The following TMEM132E variants were observed in gnomAD, a reference collection of about 807,000 sequenced individuals.
TMEM132E encodes the protein transmembrane protein 132E.
In TMEM132E, 49 loss-of-function variants were observed where a neutral mutation model predicts 78.5. The observed-to-expected ratio is 0.62, with a 90% confidence interval of 0.50 to 0.79. TMEM132E has a LOEUF of 0.79. Among genes scored for constraint, TMEM132E ranks in the 30% least tolerant of loss-of-function variants. The pLI, the probability that TMEM132E is intolerant of heterozygous loss-of-function variation, is 0.00. For synonymous variants in TMEM132E, 715 were observed against 670.6 expected (o/e 1.07, Z -1.02); for missense variants, 1,403 against 1,470.9 (o/e 0.95, Z 0.75).
intron 1 of TMEM132E, among the ~76,000 whole-genome samples, chr17:34,611,034 A>G (rs958214990): frequency 1.3e-5 from 2 of 152,182 alleles, no homozygotes; most frequent in Admixed American, 6.5e-5. Context: ...TTGATTCACA[A>G]CCTGTTTTTC....
intron 1 of TMEM132E, among the ~76,000 whole-genome samples, chr17:34,611,843 G>T (rs975053509): frequency 6.6e-6 from 1 of 152,104 alleles, no homozygotes; most frequent in South Asian, 2.1e-4. Context: ...GAAGAAACTG[G>T]CCCAGTCCCC....
chr17:34,608,504 C>T (rs986884712), intron 1 of TMEM132E, among the ~76,000 whole-genome samples: 4 of 152,196 alleles, frequency 2.6e-5, no homozygotes, highest in African/African-American at 9.7e-5. Context: ...GGTGCTGTGG[C>T]CGTTATTATT....
intron 1 of TMEM132E, chr17:34,614,767 C>A (rs1906721005): frequency 6.6e-6 from 1 of 152,414 alleles, no homozygotes. Context: ...CCCAGGGACA[C>A]CAGCCTGAGT....
rs74575995 is a variant in TMEM132E at position 34,600,607 on chromosome 17, G to A, written c.67+19464G>A. Among the ~76,000 whole-genome samples the A allele has an allele frequency of 9.0e-3, 1,370 of 152,254 alleles. 23 individuals are homozygous for A. Among genetic ancestry groups the A allele is most frequent in the African/African-American group, 0.031 (1,296 of 41,534 alleles). ...GGAGATGGCAAAGTAGAACAAGGTC[G>A]GGGTAGGAGGGCCTGAGTGACTGCT... On this transcript the variant is annotated intron_variant, in intron 1 of 8. Coordinates refer to ENST00000631683, the MANE Select transcript of TMEM132E (RefSeq NM_001304438.2).
chr17:34,607,676 G>A (rs1364892710), intron 1 of TMEM132E, among the ~76,000 whole-genome samples: 1 of 152,184 alleles, frequency 6.6e-6, no homozygotes, highest in African/African-American at 2.4e-5. Context: ...TGTCTGACTC[G>A]GCTACGACGG....
Position 34,581,332 on chromosome 17 carries a change from C to G in TMEM132E, c.67+189C>G, listed in dbSNP as rs905277547. ...CTCCGGCGAGCTCAGCTGAGGGGAC[C>G]GAGCCCGGCGCCAGAAAAGGGTGGG... On this transcript the variant is annotated intron_variant, in intron 1 of 8. Transcript: ENST00000631683. Among the ~76,000 whole-genome samples, 3 of 150,178 alleles carry G rather than the reference C, an allele frequency of 2.0e-5. 1 individual carries two copies. The highest frequency in any genetic ancestry group is 4.2e-4 in the South Asian group (2 of 4,730).
rs138906358 is a variant in TMEM132E, at chr17:34,583,495, C to T, written c.67+2352C>T. The stretch of plus-strand genomic sequence containing the variant: ...GGCTGCCCTCCTCCTCCAGGGCTGC[C>T]TGACACCCACGTAGCCACCCCTTCC... On this transcript the variant is annotated intron_variant, in intron 1 of 8. Coordinates refer to ENST00000631683, the MANE Select transcript of TMEM132E (RefSeq NM_001304438.2). Among the ~76,000 whole-genome samples, 585 of 152,336 alleles carry T rather than the reference C, an allele frequency of 3.8e-3. 3 individuals carry two copies. The highest frequency in any genetic ancestry group is 0.013 in the African/African-American group (559 of 41,578).
rs1201784577 is a variant in TMEM132E at position 34,636,017 on chromosome 17, C to T, written c.1988C>T (p.Pro663Leu). Residue 663 changes from proline (P) to leucine (L), a missense_variant, in exon 8 of 9, where the codon CCG becomes CTG. By Grantham distance (98) the Pro-to-Leu change is moderately conservative (BLOSUM62 -3). Around this residue, in one of 3 missense-constraint regions of TMEM132E, gnomAD observed 888 missense variants for 952.8 expected, o/e 0.93. Transcript: ENST00000631683. ...PGTTPFKVVS[P>L]LTEAVLGETL... Reference sequence around the variant, plus strand: ...CCCGCTCTGCCTCAGGTGGTGTCTCCGCTGACGGAGGCTGTGCTCGGGGAG... The same window carrying T: ...CCCGCTCTGCCTCAGGTGGTGTCTCTGCTGACGGAGGCTGTGCTCGGGGAG... 3.2e-5 allele frequency: 48 copies of T among 1,500,414 alleles called. No individual in the cohort carries two copies. Among genetic ancestry groups the T allele is most frequent in the Non-Finnish European group, 4.3e-5 (48 of 1,125,818 alleles). 92.9% of individuals were successfully genotyped at this position (1,500,414 alleles called of 1,614,324 possible).
In TMEM132E at chr17:34,630,113, C is replaced by G; in HGVS notation, c.1444C>G (p.Leu482Val). 2 of 1,613,426 alleles carry G rather than the reference C, an allele frequency of 1.2e-6. No homozygotes were observed. Among genetic ancestry groups the G allele is most frequent in the South Asian group, 1.1e-5 (1 of 91,054 alleles). The part of the protein sequence containing the change: ...VNGLVLDISA[L>V]VECESDNEDI... ...TGGCCTCGTCCTGGACATCTCCGCC[C>G]TAGTGGAATGCGAGTCTGACAATGA... Residue 482 changes from leucine to valine, a missense_variant, in exon 5 of 9, where the codon CTA (leucine) becomes GTA (valine). Physicochemically the swap from Leu to Val is conservative, Grantham distance 32. Around this residue, in one of 3 missense-constraint regions of TMEM132E, gnomAD observed 888 missense variants for 952.8 expected, o/e 0.93. Coordinates refer to ENST00000631683, the MANE Select transcript of TMEM132E (RefSeq NM_001304438.2).
At chr17:34,618,977 A>G (rs2142073299) in intron 1 of TMEM132E, among the ~76,000 whole-genome samples, 1 of 152,232 alleles carries the variant, frequency 6.6e-6, no homozygotes, top group South Asian at 2.1e-4. Context: ...CCTTGGCCTC[A>G]GCTTCCTCCA....
chr17:34,583,347 C>T (rs990508299), intron 1 of TMEM132E, among the ~76,000 whole-genome samples: 1 of 152,278 alleles, frequency 6.6e-6, no homozygotes, highest in African/African-American at 2.4e-5. Context: ...TTCTCCATCG[C>T]ATGTCTCAGT....
chr17:34,584,862 A>C (rs192140626), intron 1 of TMEM132E, among the ~76,000 whole-genome samples: 360 of 152,342 alleles, frequency 2.4e-3, no homozygotes, highest in African/African-American at 6.5e-3. Flanking sequence ...TGTAGTGTCC[A>C]GGGTCATTCT....
intron 1 of TMEM132E, among the ~76,000 whole-genome samples, chr17:34,625,110 G>T (rs1440436592): frequency 1.3e-5 from 2 of 152,192 alleles, no homozygotes; most frequent in East Asian, 1.9e-4. Context: ...CTACTGTGTG[G>T]GGGAGGAGAA....
intron 1 of TMEM132E, among the ~76,000 whole-genome samples, chr17:34,597,722 G>A (rs1906106621): frequency 6.6e-6 from 1 of 152,146 alleles, no homozygotes; most frequent in Non-Finnish European, 1.5e-5. Flanking sequence ...AGAGGCCAAA[G>A]GTAGGAGGGC....
At chr17:34,615,696 G>A (rs79889689) in intron 1 of TMEM132E, among the ~76,000 whole-genome samples, 3,726 of 151,988 alleles carry the variant, frequency 0.025, 163 homozygotes, top group African/African-American at 0.085. Flanking sequence ...TCCACCCTTA[G>A]CGGCAGGCAA....
intron 1 of TMEM132E, among the ~76,000 whole-genome samples, chr17:34,618,729 C>T (rs780107335): frequency 1.3e-5 from 2 of 152,176 alleles, no homozygotes; most frequent in Non-Finnish European, 1.5e-5. Context: ...CACTGGGTAT[C>T]GCTGATTTTT....
chr17:34,584,662 C>G (rs117980760), intron 1 of TMEM132E, among the ~76,000 whole-genome samples: 3,782 of 152,236 alleles, frequency 0.025, 62 homozygotes, highest in Middle Eastern at 0.075. Flanking sequence ...TATTGAGGGA[C>G]CCTCCCAGCA....
chr17:34,636,108 C>T lies in TMEM132E; in HGVS notation c.2079C>T (p.Ser693=), dbSNP rs747805101. Residue 693 remains serine (S), a synonymous_variant, in exon 8 of 9, where the codon AGC becomes AGT. Coordinates refer to ENST00000631683, the MANE Select transcript of TMEM132E (RefSeq NM_001304438.2). ...AGCTTCAGGCCCAGGTGGTGGCCAGCCTGGCCCTCTCCCTGCGGCCCAGCC... is the reference window on the plus strand; with the variant it reads ...AGCTTCAGGCCCAGGTGGTGGCCAGTCTGGCCCTCTCCCTGCGGCCCAGCC... ...ITQLQAQVVA[S]LALSLRPSPG... is the part of the protein sequence containing the mutation. 1.3e-5 allele frequency: 20 copies of T among 1,594,494 alleles called. No homozygotes were observed. Among genetic ancestry groups the T allele is most frequent in the Middle Eastern group, 1.7e-4 (1 of 5,790 alleles).
intron 1 of TMEM132E, among the ~76,000 whole-genome samples, chr17:34,594,362 A>G (rs1320120649): frequency 6.6e-6 from 1 of 152,214 alleles, no homozygotes; most frequent in Non-Finnish European, 1.5e-5. Flanking sequence ...AAGAAAATGT[A>G]TTCCTTCATT....
Sources: gnomAD v4.1 joint callset for allele counts (sites outside exome capture counted in the v4.1 genomes callset) on GRCh38, gnomAD v4.1.1 for gene constraint, gnomAD v4.1.1 regional missense constraint, MANE v1.5 for transcripts, NCBI Gene and HGNC (gene_info 2026-07-23, HGNC 2026-07-21) for gene names.